CNTN5: variants seen among roughly 807,000 people sequenced by gnomAD.
The protein encoded by CNTN5 is contactin 5.
A neutral mutation model predicts 129.1 loss-of-function variants in CNTN5; 77 were observed. The ratio of observed to expected loss-of-function variants is 0.60; its 90% CI spans 0.50 to 0.72. CNTN5 has a LOEUF of 0.72. Among genes scored for constraint, CNTN5 ranks in the 30% least tolerant of loss-of-function variants. The probability of loss-of-function intolerance (pLI) is 0.00; values close to 1 mark genes in which losing one functional copy is unlikely to be tolerated. For missense variants in CNTN5, 1,478 were observed against 1,328.8 expected (o/e 1.11, Z -1.75); for synonymous variants, 509 against 465.6 (o/e 1.09, Z -1.20).
intron 19 of CNTN5, 81 bp downstream of exon 19, chr11:100,297,776 C>T (rs763607915): frequency 2.5e-5 from 27 of 1,074,234 alleles, no homozygotes; most frequent in Non-Finnish European, 3.6e-5. Flanking sequence ...TATGATTAAG[C>T]AGTCCACTTG....
chr11:99,505,423 G>T (rs76947286), intron 2 of CNTN5, among the ~76,000 whole-genome samples: 6,205 of 152,240 alleles, frequency 0.041, 171 homozygotes, highest in South Asian at 0.085. Flanking sequence ...TTAGTATGCA[G>T]GATAATTTAC....
At chr11:100,078,290 A>C (rs943068136) in intron 13 of CNTN5, among the ~76,000 whole-genome samples, 1 of 152,158 alleles carries the variant, frequency 6.6e-6, no homozygotes, top group Admixed American at 6.5e-5. Flanking sequence ...GATAACTAGA[A>C]AATAATATGA....
chr11:100,000,480 C>T (rs1939788045), intron 8 of CNTN5, among the ~76,000 whole-genome samples: 1 of 152,192 alleles, frequency 6.6e-6, no homozygotes, highest in South Asian at 2.1e-4. Context: ...CAGCTCTGCC[C>T]CTGTGGTTCT....
intron 3 of CNTN5, among the ~76,000 whole-genome samples, chr11:99,750,768 A>G (rs1379400952): frequency 1.3e-5 from 2 of 152,178 alleles, no homozygotes; most frequent in Non-Finnish European, 2.9e-5. Context: ...TCTAAACATA[A>G]TCTTTGAGAA....
chr11:100,138,663 T>A (rs1946601460), intron 13 of CNTN5, among the ~76,000 whole-genome samples: 1 of 152,034 alleles, frequency 6.6e-6, no homozygotes. Context: ...GGACAGAATG[T>A]GTGAGGTCTT....
At chr11:100,308,264 A>G in intron 20 of CNTN5, 95 bp from the exon 21 acceptor site, 1 of 1,092,860 alleles carries the variant, frequency 9.2e-7, no homozygotes, top group Non-Finnish European at 1.3e-6. Context: ...CATTTCAAAA[A>G]TAAGGTAAGA....
intron 6 of CNTN5, among the ~76,000 whole-genome samples, chr11:99,906,199 T>C (rs1450743717): frequency 6.6e-6 from 1 of 152,176 alleles, no homozygotes; most frequent in Non-Finnish European, 1.5e-5. Flanking sequence ...AGAGAGGGCA[T>C]CCTTGTCTTG....
intron 13 of CNTN5, among the ~76,000 whole-genome samples, chr11:100,093,130 G>A (rs903905403): frequency 6.6e-6 from 1 of 152,026 alleles, no homozygotes; most frequent in African/African-American, 2.4e-5. Context: ...ACAGTGCGGG[G>A]TTGACTCAAA....
At chr11:99,139,551 A>G (rs1859412123) in intron 1 of CNTN5, among the ~76,000 whole-genome samples, 1 of 152,206 alleles carries the variant, frequency 6.6e-6, no homozygotes, top group Non-Finnish European at 1.5e-5. Flanking sequence ...TTAGTTAAAG[A>G]GCATGTTAAT....
At chr11:99,863,819 A>G (rs999890330) in intron 6 of CNTN5, among the ~76,000 whole-genome samples, 1 of 152,208 alleles carries the variant, frequency 6.6e-6, no homozygotes, top group African/African-American at 2.4e-5. Context: ...TTTAATTGCA[A>G]TTCAAATTGT....
chr11:99,093,445 G>GTT (rs11399723), intron 1 of CNTN5, among the ~76,000 whole-genome samples: 6,582 of 146,372 alleles, frequency 0.045, 276 homozygotes, highest in African/African-American at 0.11. Context: ...TTGTTTTTCT[G>GTT]TTTTTTTTTT....
chr11:100,041,633 G>A (rs912213197), intron 9 of CNTN5, among the ~76,000 whole-genome samples: 4 of 152,210 alleles, frequency 2.6e-5, no homozygotes, highest in Non-Finnish European at 5.9e-5. Flanking sequence ...TGATATGTGA[G>A]AAAGGAAGGC....
At chr11:99,465,738 G>T (rs1415989196) in intron 2 of CNTN5, among the ~76,000 whole-genome samples, 4 of 152,024 alleles carry the variant, frequency 2.6e-5, no homozygotes, top group African/African-American at 9.7e-5. Context: ...GGCTTATGGT[G>T]CCGCAGGCTG....
chr11:99,322,991 C>G (rs1249927609), intron 1 of CNTN5, among the ~76,000 whole-genome samples: 1 of 152,026 alleles, frequency 6.6e-6, no homozygotes. Flanking sequence ...TTCAGTAAGT[C>G]GCCTACGATT....
intron 3 of CNTN5, among the ~76,000 whole-genome samples, chr11:99,645,262 C>CAAAAAAAAA (rs71050011): frequency 8.4e-5 from 4 of 47,502 alleles, no homozygotes; most frequent in Non-Finnish European, 1.2e-4. Flanking sequence ...TCCATCTCAA[C>CAAAAAAAAA]AAAAAAAAAA....
At chr11:99,471,445 G>C (rs762331311) in intron 2 of CNTN5, among the ~76,000 whole-genome samples, 23 of 152,094 alleles carry the variant, frequency 1.5e-4, no homozygotes, top group Non-Finnish European at 2.8e-4. Context: ...GGTTTCTCCA[G>C]GAAGCTCCTT....
At chr11:99,083,010 A>C (rs936102725) in intron 1 of CNTN5, among the ~76,000 whole-genome samples, 2 of 148,978 alleles carry the variant, frequency 1.3e-5, no homozygotes, top group African/African-American at 4.9e-5. Flanking sequence ...GATGATTTCC[A>C]AAATATTACA....
intron 7 of CNTN5, among the ~76,000 whole-genome samples, chr11:99,920,073 A>G (rs1200329583): frequency 1.3e-5 from 2 of 152,112 alleles, no homozygotes; most frequent in Admixed American, 1.3e-4. Context: ...GCATGTATCA[A>G]TAGTTTGTTG....
At chr11:100,290,942 G>A (rs1950947557) in intron 18 of CNTN5, among the ~76,000 whole-genome samples, 1 of 151,866 alleles carries the variant, frequency 6.6e-6, no homozygotes, top group Admixed American at 6.6e-5. Flanking sequence ...CAAACAGTGG[G>A]CAAAGGACAT....
Sources: gnomAD v4.1 joint callset for allele counts (sites outside exome capture counted in the v4.1 genomes callset) on GRCh38, gnomAD v4.1.1 for gene constraint, MANE v1.5 for transcripts, NCBI Gene and HGNC (gene_info 2026-07-23, HGNC 2026-07-21) for gene names.